RPL4: variants seen among roughly 807,000 people sequenced by gnomAD.
RPL4 encodes the protein large ribosomal subunit protein uL4.
A neutral mutation model predicts 47.7 loss-of-function variants in RPL4; 3 were observed. The observed-to-expected ratio is 0.06, with a 90% CI of 0.03 to 0.16. The LOEUF is 0.16. Ranked by LOEUF, RPL4 falls within the 10% of genes least tolerant of loss-of-function variation. The probability of loss-of-function intolerance (pLI) is 1.00; values close to 1 mark genes in which losing one functional copy is unlikely to be tolerated. For missense variants in RPL4, 413 were observed against 551.3 expected (o/e 0.75, Z 2.51); for synonymous variants, 208 against 182.1 (o/e 1.14, Z -1.15).
chr15:66,502,419 T>C, intron 4 of RPL4, 193 bp downstream of exon 4: 1 of 613,276 alleles, frequency 1.6e-6, no homozygotes, highest in South Asian at 2.5e-5. Context: ...GATAACTGAA[T>C]GCACTCATTT....
rs1567033742 is a variant in RPL4 at position 66,499,618 on chromosome 15, G to A, written c.1073C>T (p.Ala358Val). ...KLRVDKAAAA[A>V]AALQAKSDEK... Reference sequence around the variant, plus strand: ...ATCTGATTTGGCTTGTAGTGCCGCTGCTGCAGCAGCTGCCTTATCCACCCG... The same window carrying A: ...ATCTGATTTGGCTTGTAGTGCCGCTACTGCAGCAGCTGCCTTATCCACCCG... The change falls in exon 10 of 10, where the codon GCA (alanine) becomes GTA (valine). Residue 358 changes from alanine (A) to valine (V), a missense_variant. Ala to Val is a moderately conservative substitution (Grantham distance 64). Transcript: ENST00000307961. 2 of 1,613,988 alleles carry A rather than the reference G, an allele frequency of 1.2e-6. No homozygotes were observed. The highest frequency in any genetic ancestry group is 4.5e-5 in the East Asian group (2 of 44,892).
rs764340022 is a variant in RPL4 at position 66,501,083 on chromosome 15, G to T, written c.699C>A (p.Ser233Arg). The change falls in exon 7 of 10, where the codon AGC (serine) becomes AGA (arginine). Residue 233 changes from serine to arginine, a missense_variant. Physicochemically the swap from Ser to Arg is moderately radical, Grantham distance 110. Transcript: ENST00000307961. ...GAGCAAGCTTCAAAATGTTCAGCTT[G>T]CTTACATTAAGCAGAGTAATTCCTT... Reference protein sequence around the residue: ...NIPGITLLNVSKLNILKLAPG... With the variant: ...NIPGITLLNVRKLNILKLAPG... 57 of 1,613,902 alleles carry T rather than the reference G, an allele frequency of 3.5e-5. No individual in the cohort carries two copies. Among genetic ancestry groups the T allele is most frequent in the Non-Finnish European group, 4.5e-5 (53 of 1,180,030 alleles).
rs748440155 is a variant in RPL4 at position 66,498,043 on chromosome 15, G to A, written c.*1364C>T. The A allele has an allele frequency of 4.4e-5, 16 of 363,302 alleles. No individual in the cohort carries two copies. The highest frequency in any genetic ancestry group is 8.1e-5 in the Non-Finnish European group (16 of 197,350). 22.5% of individuals were successfully genotyped at this position (363,302 alleles called of 1,614,324 possible). ...GGTTTGGCTATCCTTTAATCCGATA[G>A]GCCATTTGCGCACCAAGTGGTCAAA... is the stretch of plus-strand genomic sequence containing the variant. On this transcript the variant is annotated 3_prime_UTR_variant, in exon 10 of 10. Coordinates refer to ENST00000307961, the MANE Select transcript of RPL4 (RefSeq NM_000968.4).
In RPL4 at chr15:66,499,603, G is replaced by A; in HGVS notation, c.1088C>T (p.Ala363Val). 3 of 1,613,974 alleles carry A rather than the reference G, an allele frequency of 1.9e-6. No homozygotes were observed. Among genetic ancestry groups the A allele is most frequent in the East Asian group, 4.5e-5 (2 of 44,884 alleles). The part of the protein sequence containing the change: ...KAAAAAAALQ[A>V]KSDEKAAVAG... ...AACCGCCGCCTTCTCATCTGATTTG[G>A]CTTGTAGTGCCGCTGCTGCAGCAGC... is the stretch of plus-strand genomic sequence containing the variant. Residue 363 changes from alanine to valine, a missense_variant, in exon 10 of 10, where the codon GCC becomes GTC. By Grantham distance (64) the Ala-to-Val change is moderately conservative. Transcript: ENST00000307961.
intron 1 of RPL4, among the ~76,000 whole-genome samples, chr15:66,504,068 C>G (rs907452993): frequency 2.0e-5 from 3 of 152,180 alleles, no homozygotes; most frequent in Non-Finnish European, 4.4e-5. Flanking sequence ...AGATATTTTT[C>G]GGTCTCAGGA....
Position 66,502,592 on chromosome 15 carries a change from TTATA to T in RPL4, c.421+16_421+19del, listed in dbSNP as rs1368248366. The T allele has an allele frequency of 1.2e-6, 2 of 1,607,824 alleles. No homozygotes were observed. Among genetic ancestry groups the T allele is most frequent in the Admixed American group, 3.4e-5 (2 of 58,842 alleles). ...GTCTTATTTCTTCTATCAAACTCTC[TTATA>T]TAAAGTATTACAAACCTTTAGACAT... On this transcript the variant is annotated intron_variant, in intron 4 of 9. Coordinates refer to ENST00000307961, the MANE Select transcript of RPL4 (RefSeq NM_000968.4).
intron 5 of RPL4, 89 bp downstream of exon 5, chr15:66,501,699 A>G (rs10851759): frequency 3.2e-6 from 5 of 1,557,726 alleles, no homozygotes; most frequent in African/African-American, 1.4e-5. Flanking sequence ...CACATTAAGG[A>G]TTAGCTATAC....
chr15:66,502,214 C>T, intron 4 of RPL4: 1 of 458,130 alleles, frequency 2.2e-6, no homozygotes, highest in Admixed American at 3.5e-5. Flanking sequence ...ATTGATTTGT[C>T]AGATTTAAGT....
At chr15:66,500,404 T>C (rs1482421463) in intron 7 of RPL4, 28 bp from the exon 8 acceptor site, 6 of 1,593,798 alleles carry the variant, frequency 3.8e-6, no homozygotes, top group Admixed American at 3.4e-5. Flanking sequence ...GACATGTACA[T>C]GTAAAAGTAA....
rs1341371918 is a variant in RPL4 at position 66,501,660 on chromosome 15, A to C, written c.546+128T>G. On this transcript the variant is annotated intron_variant, in intron 5 of 9. Transcript: ENST00000307961. ...CAGCAGTTAGGATTCAAACCCAAGTAATCGGGCTCTGAGGTTCTTGTTCTC... is the reference window on the plus strand; with the variant it reads ...CAGCAGTTAGGATTCAAACCCAAGTCATCGGGCTCTGAGGTTCTTGTTCTC... 3 of 1,502,168 alleles carry C rather than the reference A, an allele frequency of 2.0e-6. No individual in the cohort carries two copies. In the African/African-American group the frequency reaches 4.2e-5, roughly 21 times the overall value. The allele number at this position is 1,502,168 out of a possible 1,614,324, so 93.1% of individuals were successfully genotyped here.
At chr15:66,502,377 C>A (rs1205037872) in intron 4 of RPL4, 1 of 495,130 alleles carries the variant, frequency 2.0e-6, no homozygotes, top group South Asian at 3.2e-5. Flanking sequence ...ATTTTTAAAC[C>A]GGTATGTAAC....
intron 9 of RPL4, 142 bp downstream of exon 9, chr15:66,499,914 T>C (rs1449544588): frequency 2.7e-6 from 3 of 1,118,776 alleles, no homozygotes; most frequent in Non-Finnish European, 3.8e-6. Context: ...TGCCAGCTAC[T>C]TGGGAGGCTG....
chr15:66,500,808 T>C (rs1893595248), intron 7 of RPL4, 141 bp downstream of exon 7: 8 of 1,004,516 alleles, frequency 8.0e-6, no homozygotes, highest in South Asian at 5.1e-5. Context: ...ACCAAAAATA[T>C]AGACCAGGTG....
chr15:66,504,572 TG>T (rs1403888343), intron 1 of RPL4, among the ~76,000 whole-genome samples: 1 of 137,480 alleles, frequency 7.3e-6, no homozygotes, highest in Non-Finnish European at 1.7e-5. Flanking sequence ...TTTCCACTAC[TG>T]CTTCCCGGCG....
chr15:66,501,604 A>G (rs1893616980), intron 5 of RPL4, 100 bp from the exon 6 acceptor site: 11 of 1,546,284 alleles, frequency 7.1e-6, no homozygotes, highest in Non-Finnish European at 9.7e-6. Context: ...ACTGGGCACA[A>G]TAACTTGCCA....
chr15:66,504,740 C>G (rs1219662675), intron 1 of RPL4, 48 bp downstream of exon 1: 2 of 1,608,174 alleles, frequency 1.2e-6, no homozygotes, highest in Non-Finnish European at 1.7e-6. Flanking sequence ...TCCTTCCTTA[C>G]TGGCCCCGAG....
chr15:66,501,351 A>G (rs370890435), intron 6 of RPL4, 24 bp downstream of exon 6: 1 of 1,614,050 alleles, frequency 6.2e-7, no homozygotes, highest in South Asian at 1.1e-5. Flanking sequence ...ATACCTAGTC[A>G]ATATATGTAA....
chr15:66,499,427 C>T lies in RPL4; in HGVS notation c.1264G>A (p.Glu422Lys). The stretch of plus-strand genomic sequence containing the variant: ...AGAGTTTATGCAGCAGGCTTCTTCT[C>T]CTCTGTAGTAGGTTTCTTCTCTGCA... The part of the protein sequence containing the change: ...KPAEKKPTTE[E>K]KKPAA Residue 422 changes from glutamate (E) to lysine (K), a missense_variant, in exon 10 of 10, where the codon GAG becomes AAG. Coordinates refer to ENST00000307961, the MANE Select transcript of RPL4 (RefSeq NM_000968.4). 6.2e-7 allele frequency: 1 copy of T among 1,610,398 alleles called. No individual in the cohort carries two copies. Among genetic ancestry groups the T allele is most frequent in the Non-Finnish European group, 8.5e-7 (1 of 1,179,498 alleles).
intron 1 of RPL4, among the ~76,000 whole-genome samples, chr15:66,504,154 G>C (rs1466181808): frequency 6.6e-6 from 1 of 152,054 alleles, no homozygotes; most frequent in Non-Finnish European, 1.5e-5. Context: ...ACATCCTTCA[G>C]GCCACTTTAA....
Sources: allele counts gnomAD v4.1 joint callset (sites outside exome capture counted in the v4.1 genomes callset), GRCh38; gene constraint gnomAD v4.1.1; transcripts MANE v1.5; gene names NCBI Gene and HGNC (gene_info 2026-07-23, HGNC 2026-07-21).